Variants in SLC25A42 observed in about 807,000 individuals in gnomAD.
The protein encoded by SLC25A42 is solute carrier family 25 member 42, also known as mitochondrial coenzyme A transporter SLC25A42.
Under a neutral mutation model 34.7 loss-of-function variants are expected in SLC25A42, and 19 were observed. The observed-to-expected ratio is 0.55, with a 90% confidence interval of 0.38 to 0.80. The LOEUF is 0.80. SLC25A42 is among the 30% of genes least tolerant of loss of function. The pLI is 0.00. For missense variants in SLC25A42, 364 were observed against 441.3 expected (o/e 0.82, Z 1.57); for synonymous variants, 205 against 191.2 (o/e 1.07, Z -0.59).
At chr19:19,086,248 C>A (rs1246771540) in intron 1 of SLC25A42, among the ~76,000 whole-genome samples, 3 of 152,152 alleles carry the variant, frequency 2.0e-5, no homozygotes, top group Non-Finnish European at 1.5e-5. Flanking sequence ...TTTCTCCTGC[C>A]TCAGCCTCCT....
At chr19:19,072,052 T>C (rs2059633251) in intron 1 of SLC25A42, among the ~76,000 whole-genome samples, 2 of 152,174 alleles carry the variant, frequency 1.3e-5, no homozygotes, top group Non-Finnish European at 2.9e-5. Context: ...GGGATCTTGC[T>C]GTGTTGCCCA....
In SLC25A42 at chr19:19,109,453, C is replaced by T. The variant is rs973221067; in HGVS notation, c.650-1116C>T. On this transcript the variant is annotated intron_variant, in intron 7 of 7. Transcript: ENST00000318596. The surrounding 1 kb of genome is among the most constrained non-coding windows in gnomAD (Gnocchi z 4.1). ...CTCCTGTCTGGCTGTTTTTTTGAGACGGAGTCTCACTCTGCCGCCCAGGCT... is the reference window on the plus strand; with the variant it reads ...CTCCTGTCTGGCTGTTTTTTTGAGATGGAGTCTCACTCTGCCGCCCAGGCT... Among the ~76,000 whole-genome samples, 11 of 152,186 alleles carry T rather than the reference C, an allele frequency of 7.2e-5. No individual in the cohort carries two copies. The highest frequency in any genetic ancestry group is 2.0e-4 in the Admixed American group (3 of 15,284).
chr19:19,064,589 C>T (rs1480347063), intron 1 of SLC25A42, among the ~76,000 whole-genome samples: 2 of 151,504 alleles, frequency 1.3e-5, no homozygotes, highest in Non-Finnish European at 2.9e-5. Context: ...CCCCCACTGC[C>T]TTTCCTCATA....
At chr19:19,105,837 C>T (rs900712359) in intron 5 of SLC25A42, 110 bp downstream of exon 5, 5 of 965,034 alleles carry the variant, frequency 5.2e-6, no homozygotes, top group East Asian at 2.7e-5. Context: ...CTAGCCCTGC[C>T]TTCCCTCTTC....
At chr19:19,064,915 G>T (rs1359124583) in intron 1 of SLC25A42, among the ~76,000 whole-genome samples, 3 of 152,112 alleles carry the variant, frequency 2.0e-5, no homozygotes, top group Non-Finnish European at 4.4e-5. Context: ...TCTATAAAGT[G>T]ATTTCCGGAC....
At chr19:19,106,528 C>A in intron 6 of SLC25A42, 143 bp downstream of exon 6, 1 of 592,282 alleles carries the variant, frequency 1.7e-6, no homozygotes, top group Non-Finnish European at 2.9e-6. Context: ...ATGTGTCATT[C>A]TGCAGCTGTT....
chr19:19,093,133 A>C, intron 1 of SLC25A42, among the ~76,000 whole-genome samples: 1 of 151,906 alleles, frequency 6.6e-6, no homozygotes, highest in Admixed American at 6.6e-5. Flanking sequence ...TGACCTTCTC[A>C]CCTCAGCCTC....
At chr19:19,089,742 G>T (rs1010347646) in intron 1 of SLC25A42, among the ~76,000 whole-genome samples, 6 of 151,740 alleles carry the variant, frequency 4.0e-5, no homozygotes, top group Non-Finnish European at 8.8e-5. Context: ...GGCAGCACAC[G>T]CCTGTAATCC....
rs1568521782 is a variant in SLC25A42, at chr19:19,101,821, C to T, written c.122C>T (p.Ala41Val). 1 of 1,613,926 alleles carries T rather than the reference C, an allele frequency of 6.2e-7. No homozygotes were observed. Among genetic ancestry groups the T allele is most frequent in the Non-Finnish European group, 8.5e-7 (1 of 1,179,888 alleles). ...RQVLSSLLSG[A>V]LAGALAKTAV... ...GTGCTCAGCTCCCTGCTGTCTGGGG[C>T]CCTGGCTGGTGCCCTTGCCAAAACA... Residue 41 changes from alanine (A) to valine (V), a missense_variant, in exon 3 of 8, where the codon GCC becomes GTC. Transcript: ENST00000318596.
At chr19:19,067,921 C>T (rs2059610600) in intron 1 of SLC25A42, among the ~76,000 whole-genome samples, 1 of 152,042 alleles carries the variant, frequency 6.6e-6, no homozygotes, top group Non-Finnish European at 1.5e-5. Context: ...TTTTTTTTGT[C>T]TGTCTCTTCT....
chr19:19,111,314 CG>C lies in SLC25A42; in HGVS notation c.*443del. 1 of 177,050 alleles carries C rather than the reference CG, an allele frequency of 5.6e-6. No homozygotes were observed. Among genetic ancestry groups the C allele is most frequent in the East Asian group, 1.8e-4 (1 of 5,596 alleles). 11.0% of individuals were successfully genotyped at this position (177,050 alleles called of 1,614,324 possible). On this transcript the variant is annotated 3_prime_UTR_variant, in exon 8 of 8. Transcript: ENST00000318596. ...ACGTGCCTGCCCGGCCTCCAGGGTG[CG>C]GGGGCGCCTTTCTTGCAGGCGGACC...
At chr19:19,099,422 G>A (rs987313689) in intron 2 of SLC25A42, among the ~76,000 whole-genome samples, 3 of 152,180 alleles carry the variant, frequency 2.0e-5, no homozygotes, top group African/African-American at 7.2e-5. Flanking sequence ...GGACATGTGG[G>A]AGAGGGTCTG....
At chr19:19,107,710 A>T (rs541956326) in intron 6 of SLC25A42, among the ~76,000 whole-genome samples, 184 bp from the exon 7 acceptor site, 1 of 152,200 alleles carries the variant, frequency 6.6e-6, no homozygotes, top group African/African-American at 2.4e-5. Context: ...GGGCTTACGC[A>T]TGCATTTCCC....
intron 1 of SLC25A42, among the ~76,000 whole-genome samples, chr19:19,070,264 G>A (rs1295826314): frequency 6.6e-6 from 1 of 150,640 alleles, no homozygotes; most frequent in Non-Finnish European, 1.5e-5. Context: ...CAAAGTGCTG[G>A]GATTACAGGT....
rs116313392 is a variant in SLC25A42 at position 19,091,597 on chromosome 19, C to T, written c.-34-4494C>T. Among the ~76,000 whole-genome samples the T allele has an allele frequency of 4.3e-3, 647 of 152,202 alleles. 7 individuals carry two copies. The highest frequency in any genetic ancestry group is 0.015 in the African/African-American group (625 of 41,538). On this transcript the variant is annotated intron_variant, in intron 1 of 7. Coordinates refer to ENST00000318596, the MANE Select transcript of SLC25A42 (RefSeq NM_178526.5). ...CAGTGGAAACAGAAGAATGTTATGG[C>T]CGGGTGCGGTGGCTCCCACCTGGAA...
intron 2 of SLC25A42, among the ~76,000 whole-genome samples, chr19:19,099,710 C>T (rs1280234545): frequency 6.6e-6 from 1 of 152,016 alleles, no homozygotes; most frequent in Non-Finnish European, 1.5e-5. Flanking sequence ...CTGCAGGAGC[C>T]GCTTCTACCC....
intron 3 of SLC25A42, 120 bp from the exon 4 acceptor site, chr19:19,104,793 G>T: frequency 9.3e-7 from 1 of 1,080,750 alleles, no homozygotes; most frequent in Non-Finnish European, 1.3e-6. Context: ...TCCCATTCCT[G>T]GGACAAGATT....
chr19:19,095,118 T>G (rs1272682053), intron 1 of SLC25A42, among the ~76,000 whole-genome samples: 2 of 152,104 alleles, frequency 1.3e-5, no homozygotes, highest in Non-Finnish European at 2.9e-5. Context: ...CAAGAATTAC[T>G]TGAACCTGGA....
chr19:19,103,798 C>T (rs2059810961), intron 3 of SLC25A42, among the ~76,000 whole-genome samples: 1 of 152,230 alleles, frequency 6.6e-6, no homozygotes, highest in South Asian at 2.1e-4. Flanking sequence ...CCAGTTTCCT[C>T]CTCCGTAAAG....
Sources: gnomAD v4.1 joint callset for allele counts (sites outside exome capture counted in the v4.1 genomes callset) on GRCh38, gnomAD v4.1.1 for gene constraint, Gnocchi (gnomAD v3.1) non-coding constraint, MANE v1.5 for transcripts, NCBI Gene and HGNC (gene_info 2026-07-23, HGNC 2026-07-21) for gene names.